The following FZD3 variants were observed in gnomAD, a reference collection of about 807,000 sequenced individuals.
FZD3 encodes the protein frizzled class receptor 3.
Under a neutral mutation model 60.7 loss-of-function variants are expected in FZD3, and 30 were observed. That is an observed-to-expected ratio of 0.49 (90% CI 0.37 to 0.67). FZD3 has a LOEUF of 0.67. FZD3 is among the 30% of genes least tolerant of loss of function. The pLI is 0.00. For synonymous variants in FZD3, 246 were observed against 275.2 expected (o/e 0.89, Z 1.05); for missense variants, 605 against 838.7 (o/e 0.72, Z 3.44).
intron 5 of FZD3, among the ~76,000 whole-genome samples, chr8:28,543,254 C>T (rs191274835): frequency 8.5e-5 from 13 of 152,224 alleles, no homozygotes; most frequent in African/African-American, 2.9e-4. Context: ...CGTAAGTCAC[C>T]TCTTTACAAA....
intron 6 of FZD3, 52 bp downstream of exon 6, chr8:28,551,803 T>C: frequency 7.1e-7 from 1 of 1,403,346 alleles, no homozygotes; most frequent in South Asian, 1.3e-5. Context: ...TTTACGTAAA[T>C]TTTTTTGTGT....
chr8:28,573,672 A>G lies in FZD3; in HGVS notation c.*10661A>G, dbSNP rs188162724. 3 of 150,288 alleles carry G rather than the reference A, an allele frequency of 2.0e-5. No homozygotes were observed. The highest frequency in any genetic ancestry group is 4.4e-5 in the Non-Finnish European group (3 of 67,604). The allele number at this position is 150,288 out of a possible 1,614,324, so 9.3% of individuals were successfully genotyped here. A position where few individuals can be genotyped will look rare whatever the true frequency, so the allele number is the denominator to read the frequency against. On this transcript the variant is annotated 3_prime_UTR_variant, in exon 8 of 8. Coordinates refer to ENST00000240093, the MANE Select transcript of FZD3 (RefSeq NM_017412.4). ...CTTCCAGCTCTTTCTCATTGATACT[A>G]CCTTTACATATGAATACTATCCATG...
intron 3 of FZD3, among the ~76,000 whole-genome samples, chr8:28,509,662 A>T (rs1452433657): frequency 6.6e-6 from 1 of 152,040 alleles, no homozygotes; most frequent in Admixed American, 6.6e-5. Flanking sequence ...TGACCACTCT[A>T]TGTATTTCGT....
intron 3 of FZD3, among the ~76,000 whole-genome samples, chr8:28,509,756 A>C (rs1563383447): frequency 1.3e-5 from 2 of 152,164 alleles, no homozygotes; most frequent in African/African-American, 2.4e-5. Context: ...TCAATGTATC[A>C]TGTGTTGGAA....
chr8:28,505,939 G>A (rs1369697786), intron 3 of FZD3, among the ~76,000 whole-genome samples: 1 of 152,152 alleles, frequency 6.6e-6, no homozygotes, highest in Admixed American at 6.5e-5. Flanking sequence ...CTTCCAAAAC[G>A]TGCACATCAA....
chr8:28,553,203 A>G (rs923908806), intron 6 of FZD3, among the ~76,000 whole-genome samples: 2 of 152,210 alleles, frequency 1.3e-5, no homozygotes, highest in African/African-American at 4.8e-5. Flanking sequence ...CAGAGAAGGA[A>G]AGAAGGGGAT....
intron 3 of FZD3, among the ~76,000 whole-genome samples, chr8:28,506,219 A>G (rs1374404309): frequency 6.6e-6 from 1 of 152,208 alleles, no homozygotes; most frequent in African/African-American, 2.4e-5. Flanking sequence ...GCTTTTCCTC[A>G]TACTGAATAA....
chr8:28,524,338 T>G (rs565913135), intron 4 of FZD3, among the ~76,000 whole-genome samples: 2 of 152,336 alleles, frequency 1.3e-5, no homozygotes, highest in South Asian at 2.1e-4. Flanking sequence ...ACTGATTAAT[T>G]TCTTATAAAT....
At chr8:28,509,727 A>G (rs1285465915) in intron 3 of FZD3, among the ~76,000 whole-genome samples, 1 of 152,202 alleles carries the variant, frequency 6.6e-6, no homozygotes, top group Non-Finnish European at 1.5e-5. Flanking sequence ...TTTATTTAGC[A>G]TAACGTCCTC....
At chr8:28,521,013 A>G (rs948015919) in intron 4 of FZD3, among the ~76,000 whole-genome samples, 179 bp downstream of exon 4, 2 of 152,208 alleles carry the variant, frequency 1.3e-5, no homozygotes, top group African/African-American at 4.8e-5. Flanking sequence ...GAAGCACTAA[A>G]TGAAAAAGAA....
chr8:28,496,224 A>G (rs1322269708), intron 1 of FZD3, among the ~76,000 whole-genome samples: 2 of 152,236 alleles, frequency 1.3e-5, no homozygotes, highest in Non-Finnish European at 2.9e-5. Context: ...TTCGCTCACA[A>G]TAAGTTATCT....
Position 28,494,639 on chromosome 8 carries a change from G to A in FZD3, c.-391+296G>A, listed in dbSNP as rs879473271. 7.3e-4 allele frequency among the ~76,000 whole-genome samples: 111 copies of A among 152,158 alleles called. 1 individual carries two copies. The highest frequency in any genetic ancestry group is 1.4e-3 in the Non-Finnish European group (97 of 67,952). The stretch of plus-strand genomic sequence containing the variant: ...CTGGGGGCTGAGGGCTGAGGGCTAA[G>A]GGGGGAGCTGCCCCGGGAGACTGTT... On this transcript the variant is annotated intron_variant, in intron 1 of 7. Transcript: ENST00000240093.
In FZD3 at chr8:28,565,109, C is replaced by T. The variant is rs925934468; in HGVS notation, c.*2098C>T. The T allele has an allele frequency of 2.6e-5, 4 of 152,180 alleles. No homozygotes were observed. The highest frequency in any genetic ancestry group is 4.4e-5 in the Non-Finnish European group (3 of 68,014). 9.4% of individuals were successfully genotyped at this position (152,180 alleles called of 1,614,324 possible). A position where few individuals can be genotyped will look rare whatever the true frequency, so the allele number is the denominator to read the frequency against. ...ATTAGGTGTTGAAAAAGAATATTCT[C>T]ATCAGGCAGCAAAGTCAGTTTTCTG... On this transcript the variant is annotated 3_prime_UTR_variant, in exon 8 of 8. Coordinates refer to ENST00000240093, the MANE Select transcript of FZD3 (RefSeq NM_017412.4).
At position 28,534,452 on chromosome 8, in the gene FZD3, C is replaced by T. The variant is rs545458202; in HGVS notation, c.1404+6288C>T. ...CCTGTAGTCCTAGCTACTCGGGAGG[C>T]TGAGGCAGGAGAATGGTTTGAGCCC... is the stretch of plus-strand genomic sequence containing the variant. On this transcript the variant is annotated intron_variant, in intron 5 of 7. Coordinates refer to ENST00000240093, the MANE Select transcript of FZD3 (RefSeq NM_017412.4). Among the ~76,000 whole-genome samples, 276 of 152,298 alleles carry T rather than the reference C, an allele frequency of 1.8e-3. 6 individuals are homozygous for T. Among genetic ancestry groups the T allele is most frequent in the African/African-American group, 6.5e-3 (269 of 41,548 alleles).
intron 5 of FZD3, among the ~76,000 whole-genome samples, chr8:28,548,569 G>A (rs10110467): frequency 7.9e-5 from 12 of 152,240 alleles, no homozygotes; most frequent in East Asian, 1.9e-4. Flanking sequence ...TTGAATAAAC[G>A]TATTTTTTCT....
At chr8:28,548,401 A>G (rs1158139622) in intron 5 of FZD3, among the ~76,000 whole-genome samples, 2 of 151,462 alleles carry the variant, frequency 1.3e-5, no homozygotes, top group African/African-American at 2.4e-5. Context: ...CCTGGGCTCA[A>G]GCGAACCACC....
rs1375117310 is a variant in FZD3 at position 28,572,268 on chromosome 8, C to T, written c.*9257C>T. 6.6e-6 allele frequency: 1 copy of T among 151,992 alleles called. No individual in the cohort carries two copies. Among genetic ancestry groups the T allele is most frequent in the Non-Finnish European group, 1.5e-5 (1 of 67,984 alleles). The allele number at this position is 151,992 out of a possible 1,614,324, so 9.4% of individuals were successfully genotyped here. On this transcript the variant is annotated 3_prime_UTR_variant, in exon 8 of 8. Transcript: ENST00000240093. ...TTGGTCAAAAATGATCAGATGCTAG[C>T]AATTTCATAATAGATATATTCAAGA...
At position 28,527,597 on chromosome 8, in the gene FZD3, A is replaced by G; in HGVS notation, c.837A>G (p.Gln279=). 6.2e-7 allele frequency: 1 copy of G among 1,613,968 alleles called. No homozygotes were observed. The highest frequency in any genetic ancestry group is 8.5e-7 in the Non-Finnish European group (1 of 1,179,850). ...AATATAAGGCTTCCACAGTGACACA[A>G]GGATCTCATAATAAAGCCTGTACCA... ...PAQYKASTVT[Q]GSHNKACTML... The change falls in exon 5 of 8, where the codon CAA becomes CAG. Residue 279 remains glutamine (Q), a synonymous_variant. Coordinates refer to ENST00000240093, the MANE Select transcript of FZD3 (RefSeq NM_017412.4). This position sits in a 1 kb window ranked among gnomAD's most constrained non-coding sequence, Gnocchi z 5.0.
chr8:28,520,375 C>T (rs917020688), intron 3 of FZD3, among the ~76,000 whole-genome samples: 5 of 152,074 alleles, frequency 3.3e-5, no homozygotes, highest in African/African-American at 1.2e-4. Context: ...CAGTGGTTCT[C>T]AGCCCTGCTT....
Sources: gnomAD v4.1 joint callset for allele counts (sites outside exome capture counted in the v4.1 genomes callset) on GRCh38, gnomAD v4.1.1 for gene constraint, Gnocchi (gnomAD v3.1) non-coding constraint, MANE v1.5 for transcripts, NCBI Gene and HGNC (gene_info 2026-07-23, HGNC 2026-07-21) for gene names.